The following JAZF1 variants were observed in gnomAD, a reference collection of about 807,000 sequenced individuals.
The protein encoded by JAZF1 is juxtaposed with another zinc finger protein 1.
A neutral mutation model predicts 26.4 loss-of-function variants in JAZF1; 8 were observed. That is an observed-to-expected ratio of 0.30 (90% CI 0.18 to 0.55). JAZF1 has a LOEUF of 0.55. Among genes scored for constraint, JAZF1 ranks in the 20% least tolerant of loss-of-function variants. The pLI, the probability that JAZF1 is intolerant of heterozygous loss-of-function variation, is 0.94. For missense variants in JAZF1, 199 were observed against 322.0 expected (o/e 0.62, Z 2.92); for synonymous variants, 126 against 122.3 (o/e 1.03, Z -0.20).
At chr7:27,989,740 T>C (rs962566633) in intron 2 of JAZF1, among the ~76,000 whole-genome samples, 1 of 152,168 alleles carries the variant, frequency 6.6e-6, no homozygotes, top group African/African-American at 2.4e-5. Flanking sequence ...TGAGGTACCA[T>C]CTCACACCAG....
At chr7:28,003,696 C>A (rs992610069) in intron 1 of JAZF1, among the ~76,000 whole-genome samples, 2 of 152,152 alleles carry the variant, frequency 1.3e-5, no homozygotes, top group Admixed American at 1.3e-4. Flanking sequence ...TATCCCACCT[C>A]CACCTGCCAA....
chr7:27,984,596 A>G (rs1217710524), intron 2 of JAZF1, among the ~76,000 whole-genome samples: 1 of 152,220 alleles, frequency 6.6e-6, no homozygotes, highest in Non-Finnish European at 1.5e-5. Context: ...CTCTGCACCA[A>G]GCGGACCTAA....
intron 2 of JAZF1, among the ~76,000 whole-genome samples, chr7:27,974,640 A>G (rs1487706261): frequency 6.6e-6 from 1 of 152,174 alleles, no homozygotes; most frequent in Non-Finnish European, 1.5e-5. Flanking sequence ...AGAGAGGCAC[A>G]TATTAGGTTC....
chr7:28,146,184 A>C (rs902072899), intron 1 of JAZF1, among the ~76,000 whole-genome samples: 1 of 152,242 alleles, frequency 6.6e-6, no homozygotes, highest in Non-Finnish European at 1.5e-5. Flanking sequence ...ATTTAAACAA[A>C]GAGTTGGAAA....
intron 2 of JAZF1, among the ~76,000 whole-genome samples, chr7:27,962,086 C>A (rs1407678202): frequency 1.3e-5 from 2 of 152,208 alleles, no homozygotes; most frequent in Non-Finnish European, 2.9e-5. Context: ...TTTGCTTTTT[C>A]ATATCAACTT....
chr7:28,171,099 G>T (rs1462092517), intron 1 of JAZF1, among the ~76,000 whole-genome samples: 1 of 152,180 alleles, frequency 6.6e-6, no homozygotes, highest in African/African-American at 2.4e-5. Context: ...AGATCAGGAG[G>T]ATTCAAAATC....
intron 1 of JAZF1, among the ~76,000 whole-genome samples, chr7:28,000,735 C>T (rs188125183): frequency 5.0e-4 from 75 of 151,170 alleles, no homozygotes; most frequent in Admixed American, 2.2e-3. Context: ...TCTCATGCCT[C>T]AGCCTCCTGA....
At chr7:27,975,146 A>C (rs551640500) in intron 2 of JAZF1, among the ~76,000 whole-genome samples, 12 of 152,024 alleles carry the variant, frequency 7.9e-5, no homozygotes, top group Non-Finnish European at 1.8e-4. Context: ...CGGCCTCCCA[A>C]AGTGCTGGGA....
chr7:27,909,001 A>T (rs866508370), intron 2 of JAZF1, among the ~76,000 whole-genome samples: 11 of 50,256 alleles, frequency 2.2e-4, no homozygotes, highest in Admixed American at 8.0e-4. Flanking sequence ...CACTTGAATA[A>T]TATTCATTCA....
intron 1 of JAZF1, among the ~76,000 whole-genome samples, chr7:28,075,601 C>T (rs1262807790): frequency 6.6e-6 from 1 of 152,144 alleles, no homozygotes; most frequent in Middle Eastern, 3.2e-3. Flanking sequence ...ACATCATGCT[C>T]TATAAACTGT....
intron 2 of JAZF1, among the ~76,000 whole-genome samples, chr7:27,904,726 A>G (rs1256743101): frequency 7.3e-6 from 1 of 136,954 alleles, no homozygotes; most frequent in Admixed American, 7.9e-5. Context: ...TAATAAAACT[A>G]AAAGCAGCAC....
intron 3 of JAZF1, among the ~76,000 whole-genome samples, chr7:27,848,863 C>T (rs551111701): frequency 1.4e-4 from 21 of 152,330 alleles, no homozygotes; most frequent in Admixed American, 3.9e-4. Context: ...AAAATTCTAG[C>T]TGCCTAAGAA....
rs956817062 is a variant in JAZF1, at chr7:28,132,573, C to G, written c.115+47890G>C. Among the ~76,000 whole-genome samples, 4 of 152,160 alleles carry G rather than the reference C, an allele frequency of 2.6e-5. No homozygotes were observed. In the East Asian group the frequency reaches 5.8e-4, roughly 22 times the overall value. ...GCAATTGGAGCTACACATAAGGAAG[C>G]AATTTCCAGCCATAATTTTAATTAG... On this transcript the variant is annotated intron_variant, in intron 1 of 4. Coordinates refer to ENST00000283928, the MANE Select transcript of JAZF1 (RefSeq NM_175061.4).
chr7:27,904,863 T>A (rs1406714337), intron 2 of JAZF1, among the ~76,000 whole-genome samples: 1 of 152,210 alleles, frequency 6.6e-6, no homozygotes, highest in African/African-American at 2.4e-5. Context: ...ACACAGCTAA[T>A]GAAATAGATT....
intron 3 of JAZF1, among the ~76,000 whole-genome samples, chr7:27,861,023 T>C (rs1157878335): frequency 6.6e-6 from 1 of 152,252 alleles, no homozygotes; most frequent in Non-Finnish European, 1.5e-5. Flanking sequence ...GGCCGATGCC[T>C]GTTCCAAGGT....
intron 2 of JAZF1, among the ~76,000 whole-genome samples, chr7:27,908,884 A>C (rs1294062877): frequency 6.6e-6 from 1 of 152,176 alleles, no homozygotes; most frequent in Non-Finnish European, 1.5e-5. Flanking sequence ...GAAGTCTTTA[A>C]ATTTGTTGTA....
chr7:28,109,034 G>A (rs1245511091), intron 1 of JAZF1, among the ~76,000 whole-genome samples: 1 of 152,200 alleles, frequency 6.6e-6, no homozygotes, highest in Non-Finnish European at 1.5e-5. Flanking sequence ...TTAGAATGGT[G>A]GTTGCCAGGG....
In JAZF1 at chr7:27,832,850, T is replaced by G; in HGVS notation, c.682A>C (p.Asn228His). 1 of 1,610,072 alleles carries G rather than the reference T, an allele frequency of 6.2e-7. No individual in the cohort carries two copies. The highest frequency in any genetic ancestry group is 8.5e-7 in the Non-Finnish European group (1 of 1,177,920). The change falls in exon 5 of 5, where the codon AAT (asparagine) becomes CAT (histidine). Residue 228 changes from asparagine to histidine, a missense_variant. Coordinates refer to ENST00000283928, the MANE Select transcript of JAZF1 (RefSeq NM_175061.4). The part of the protein sequence containing the change: ...TAQGLRHHTI[N>H]FHPPVSAEII... ...TCAGCCGACACCGGGGGATGGAAATTGATTGTGTGGTGCCGCAGGCCCTGA... is the reference window on the plus strand; with the variant it reads ...TCAGCCGACACCGGGGGATGGAAATGGATTGTGTGGTGCCGCAGGCCCTGA...
rs138962424 is a variant in JAZF1, at chr7:28,164,519, T to C, written c.115+15944A>G. On this transcript the variant is annotated intron_variant, in intron 1 of 4. Coordinates refer to ENST00000283928, the MANE Select transcript of JAZF1 (RefSeq NM_175061.4). ...GTCCAGATGTCCTCGGTAAAACAAA[T>C]GGCTTATTCTGACAGTAAAGTGTTT... 1.7e-3 allele frequency among the ~76,000 whole-genome samples: 252 copies of C among 152,306 alleles called. 1 individual carries two copies. The highest frequency in any genetic ancestry group is 5.7e-3 in the African/African-American group (235 of 41,568).
Sources: gnomAD v4.1 joint callset for allele counts (sites outside exome capture counted in the v4.1 genomes callset) on GRCh38, gnomAD v4.1.1 for gene constraint, MANE v1.5 for transcripts, NCBI Gene and HGNC (gene_info 2026-07-23, HGNC 2026-07-21) for gene names.